DGKI: variants seen among roughly 807,000 people sequenced by gnomAD.
DGKI encodes the protein diacylglycerol kinase iota.
In DGKI, 55 loss-of-function variants were observed where a neutral mutation model predicts 147.5. The ratio of observed to expected loss-of-function variants is 0.37; its 90% CI spans 0.30 to 0.47. The LOEUF (loss-of-function observed/expected upper bound fraction) is 0.47, where lower values mean the gene tolerates loss of function less well. Ranked by LOEUF, DGKI falls within the 20% of genes least tolerant of loss-of-function variation. DGKI has a pLI of 1.00. For missense variants in DGKI, 1,007 were observed against 1,323.8 expected, an observed-to-expected ratio of 0.76 and a Z score of 3.71; for synonymous variants, 469 against 477.1, an observed-to-expected ratio of 0.98 and a Z score of 0.22.
rs530535092 is a variant in DGKI, at chr7:137,723,360, G to A, written c.402-33358C>T. Among the ~76,000 whole-genome samples the A allele has an allele frequency of 5.8e-4, 89 of 152,312 alleles. 1 individual carries two copies. The South Asian group carries it at 0.018, about 31-fold the overall frequency. On this transcript the variant is annotated intron_variant, in intron 1 of 32. Coordinates refer to ENST00000614521, the MANE Select transcript of DGKI (RefSeq NM_001321708.2). The stretch of plus-strand genomic sequence containing the variant: ...GCTCCAGGCGCCATGCTAGACACTT[G>A]TGAGAACTGGGCAGACTCACTGTTG...
chr7:137,676,814 T>C (rs1197747057), intron 3 of DGKI, among the ~76,000 whole-genome samples: 1 of 152,186 alleles, frequency 6.6e-6, no homozygotes, highest in Non-Finnish European at 1.5e-5. Context: ...TATTTACTGA[T>C]ACAAGGTTTA....
chr7:137,592,134 GA>G (rs1819638555), intron 12 of DGKI, among the ~76,000 whole-genome samples: 1 of 152,142 alleles, frequency 6.6e-6, no homozygotes, highest in Non-Finnish European at 1.5e-5. Context: ...CAGTAATCCG[GA>G]ACCCGTTTCC....
At chr7:137,592,631 A>G (rs1419913828) in intron 12 of DGKI, among the ~76,000 whole-genome samples, 1 of 152,238 alleles carries the variant, frequency 6.6e-6, no homozygotes, top group Non-Finnish European at 1.5e-5. Flanking sequence ...GCCTTGTAGT[A>G]CATGCAGGCC....
At chr7:137,639,313 A>G (rs986162081) in intron 6 of DGKI, among the ~76,000 whole-genome samples, 3 of 152,202 alleles carry the variant, frequency 2.0e-5, no homozygotes, top group Non-Finnish European at 2.9e-5. Flanking sequence ...GTAAATATGT[A>G]GAAGCAGAAT....
intron 23 of DGKI, 133 bp downstream of exon 23, chr7:137,485,241 T>G: frequency 2.7e-6 from 2 of 743,416 alleles, no homozygotes; most frequent in Non-Finnish European, 4.4e-6. Flanking sequence ...CAGAATACCA[T>G]TTTCACTAGA....
chr7:137,404,720 A>G (rs1336369797), intron 30 of DGKI, among the ~76,000 whole-genome samples: 3 of 152,140 alleles, frequency 2.0e-5, no homozygotes. Flanking sequence ...TATTAAGCTG[A>G]TTAATTTATA....
At chr7:137,839,998 T>C (rs1235918930) in intron 1 of DGKI, among the ~76,000 whole-genome samples, 1 of 152,184 alleles carries the variant, frequency 6.6e-6, no homozygotes, top group Non-Finnish European at 1.5e-5. Context: ...TGCAAAGATC[T>C]TTCTTCCCAC....
intron 8 of DGKI, among the ~76,000 whole-genome samples, chr7:137,611,059 G>A (rs1022497439): frequency 6.6e-6 from 1 of 152,026 alleles, no homozygotes; most frequent in Non-Finnish European, 1.5e-5. Flanking sequence ...ATAGATCTTC[G>A]AGTTTCTAAA....
chr7:137,482,377 G>A (rs1038966321), intron 23 of DGKI, among the ~76,000 whole-genome samples: 1 of 151,846 alleles, frequency 6.6e-6, no homozygotes, highest in Non-Finnish European at 1.5e-5. Context: ...AATAAACATA[G>A]ATAGAACAGT....
At chr7:137,676,943 T>C (rs915929435) in intron 3 of DGKI, among the ~76,000 whole-genome samples, 2 of 152,342 alleles carry the variant, frequency 1.3e-5, no homozygotes, top group East Asian at 1.9e-4. Flanking sequence ...TATAAAATCA[T>C]AGTCCATCAG....
chr7:137,749,871 T>G (rs987427804), intron 1 of DGKI, among the ~76,000 whole-genome samples: 1 of 152,086 alleles, frequency 6.6e-6, no homozygotes, highest in South Asian at 2.1e-4. Context: ...ATTCCAGACA[T>G]AGCCAGGGGT....
At chr7:137,830,077 A>G (rs939533141) in intron 1 of DGKI, among the ~76,000 whole-genome samples, 1 of 152,224 alleles carries the variant, frequency 6.6e-6, no homozygotes, top group Non-Finnish European at 1.5e-5. Flanking sequence ...AGTAGGAAAC[A>G]AGCCAAGTAA....
chr7:137,618,152 T>TATA (rs1554442534), intron 8 of DGKI, among the ~76,000 whole-genome samples: 1 of 14,394 alleles, frequency 6.9e-5, no homozygotes, highest in African/African-American at 1.3e-4. Context: ...TATATATATA[T>TATA]TTTTTTTTTT....
chr7:137,834,698 C>G (rs1246220439), intron 1 of DGKI, among the ~76,000 whole-genome samples: 1 of 152,190 alleles, frequency 6.6e-6, no homozygotes, highest in Non-Finnish European at 1.5e-5. Context: ...CTTAACAACT[C>G]CATGAAGCAA....
chr7:137,719,661 T>C (rs928826022), intron 1 of DGKI, among the ~76,000 whole-genome samples: 1 of 152,198 alleles, frequency 6.6e-6, no homozygotes, highest in African/African-American at 2.4e-5. Flanking sequence ...TATTATACTT[T>C]CAATAGTTTG....
At chr7:137,406,447 G>A (rs759708757) in intron 30 of DGKI, among the ~76,000 whole-genome samples, 5 of 152,130 alleles carry the variant, frequency 3.3e-5, no homozygotes. Flanking sequence ...CAGCCTACAA[G>A]GAGTAAAGAA....
chr7:137,567,834 G>A lies in DGKI; in HGVS notation c.1947+3341C>T, dbSNP rs141089833. On this transcript the variant is annotated intron_variant, in intron 19 of 32. Coordinates refer to ENST00000614521, the MANE Select transcript of DGKI (RefSeq NM_001321708.2). ...AAAGTATCTTTTAAAAGTCCATTTC[G>A]AATTATTGATGGATAAAATGATATA... Among the ~76,000 whole-genome samples, 16 of 152,010 alleles carry A rather than the reference G, an allele frequency of 1.1e-4. No individual in the cohort carries two copies. In the South Asian group the frequency reaches 1.7e-3, roughly 16 times the overall value.
At chr7:137,686,927 C>T (rs1055769321) in intron 2 of DGKI, among the ~76,000 whole-genome samples, 1 of 152,158 alleles carries the variant, frequency 6.6e-6, no homozygotes, top group Non-Finnish European at 1.5e-5. Flanking sequence ...ATCCTAACTC[C>T]AGGTTCACTC....
At chr7:137,444,341 G>A (rs888577348) in intron 27 of DGKI, among the ~76,000 whole-genome samples, 5 of 152,120 alleles carry the variant, frequency 3.3e-5, no homozygotes, top group African/African-American at 1.2e-4. Context: ...TCCTAGGACT[G>A]CAACAAACTT....
Sources: allele counts gnomAD v4.1 joint callset (sites outside exome capture counted in the v4.1 genomes callset), GRCh38; gene constraint gnomAD v4.1.1; transcripts MANE v1.5; gene names NCBI Gene and HGNC (gene_info 2026-07-23, HGNC 2026-07-21).